DNM3: variants seen among roughly 807,000 people sequenced by gnomAD.
DNM3 encodes the protein dynamin 3.
DNM3 carries 47 observed loss-of-function variants against 101.6 expected under a neutral mutation model. The observed-to-expected ratio is 0.46, with a 90% confidence interval of 0.37 to 0.59. The LOEUF (loss-of-function observed/expected upper bound fraction) is 0.59. DNM3 is among the 20% of genes least tolerant of loss of function. The probability of loss-of-function intolerance (pLI) is 0.00; values close to 1 mark genes in which losing one functional copy is unlikely to be tolerated. For synonymous variants in DNM3, 385 were observed against 387.9 expected, an observed-to-expected ratio of 0.99 and a Z score of 0.09; for missense variants, 849 against 1,085.7, an observed-to-expected ratio of 0.78 and a Z score of 3.06.
intron 2 of DNM3, among the ~76,000 whole-genome samples, chr1:171,940,423 T>G (rs992536203): frequency 6.6e-6 from 1 of 152,166 alleles, no homozygotes; most frequent in Non-Finnish European, 1.5e-5. Flanking sequence ...CATGTTTCAG[T>G]TGTTTTCCTG....
At chr1:172,377,851 A>G (rs1043995519) in intron 17 of DNM3, among the ~76,000 whole-genome samples, 1 of 151,978 alleles carries the variant, frequency 6.6e-6, no homozygotes, top group African/African-American at 2.4e-5. Flanking sequence ...ATAAATGATT[A>G]GAACCAATTC....
intron 16 of DNM3, among the ~76,000 whole-genome samples, chr1:172,322,946 G>A (rs147969600): frequency 2.6e-5 from 4 of 152,138 alleles, no homozygotes; most frequent in Non-Finnish European, 5.9e-5. Context: ...GGGCAAGCCG[G>A]CACACAAAAT....
chr1:172,299,699 G>A (rs1362168703), intron 15 of DNM3, among the ~76,000 whole-genome samples: 1 of 152,096 alleles, frequency 6.6e-6, no homozygotes, highest in African/African-American at 2.4e-5. Flanking sequence ...CCATGTTGTT[G>A]CAAAGGACAT....
At chr1:172,035,230 G>A (rs1489591236) in intron 6 of DNM3, among the ~76,000 whole-genome samples, 2 of 152,116 alleles carry the variant, frequency 1.3e-5, no homozygotes, top group Admixed American at 6.6e-5. Context: ...CTGAAGGGAA[G>A]ATCAAATACT....
intron 15 of DNM3, among the ~76,000 whole-genome samples, chr1:172,260,105 T>C (rs1339338041): frequency 6.6e-6 from 1 of 152,158 alleles, no homozygotes; most frequent in African/African-American, 2.4e-5. Context: ...CATAATATTT[T>C]TGGCTAGCAC....
At chr1:172,391,101 C>T (rs533539734) in intron 20 of DNM3, among the ~76,000 whole-genome samples, 9 of 152,178 alleles carry the variant, frequency 5.9e-5, no homozygotes, top group Non-Finnish European at 1.3e-4. Context: ...ACATGGGCAG[C>T]AGGGCTTAAT....
intron 1 of DNM3, among the ~76,000 whole-genome samples, chr1:171,907,216 G>T (rs1169194817): frequency 6.6e-6 from 1 of 152,198 alleles, no homozygotes; most frequent in Admixed American, 6.5e-5. Flanking sequence ...GTCAGGCCGG[G>T]CGCAGTGGCT....
At chr1:172,106,141 A>G (rs532049612) in intron 13 of DNM3, among the ~76,000 whole-genome samples, 10 of 152,260 alleles carry the variant, frequency 6.6e-5, no homozygotes, top group Admixed American at 1.3e-4. Flanking sequence ...ATTTAGTATG[A>G]TAAAGAAATA....
At position 172,418,330 on chromosome 1, in the gene DNM3, A is replaced by G. The variant is rs746444581; in HGVS notation, c.*13A>G. On this transcript the variant is annotated 3_prime_UTR_variant, in exon 21 of 21. Coordinates refer to the DNM3 transcript ENST00000485254. ...ACGACCATCCTAACCCCCATCATTC[A>G]TCTCCTTTTGTTTCCAACAACATGT... The G allele has an allele frequency of 3.4e-5, 44 of 1,288,450 alleles. No homozygotes were observed. In the South Asian group the frequency reaches 4.3e-4, roughly 13 times the overall value. The allele number at this position is 1,288,450 out of a possible 1,614,324, so 79.8% of individuals were successfully genotyped here.
chr1:172,416,477 T>C (rs139056834), downstream of DNM3, among the ~76,000 whole-genome samples: 1 of 152,048 alleles, frequency 6.6e-6, no homozygotes, highest in African/African-American at 2.4e-5. Context: ...TCTGAGGATA[T>C]AAATGTCACC....
chr1:172,074,585 T>C (rs993474353), intron 11 of DNM3, among the ~76,000 whole-genome samples: 6 of 152,116 alleles, frequency 3.9e-5, no homozygotes, highest in African/African-American at 1.4e-4. Context: ...TCTGTCCTTG[T>C]GATATTTTGC....
chr1:172,269,107 C>T (rs1200074765), intron 15 of DNM3, among the ~76,000 whole-genome samples: 8 of 152,160 alleles, frequency 5.3e-5, no homozygotes, highest in Non-Finnish European at 1.0e-4. Context: ...TAACCGAAGC[C>T]ATTAGTAGTG....
Position 172,150,495 on chromosome 1 carries a change from G to A in DNM3, c.1659+19207G>A, listed in dbSNP as rs182310422. ...TACTGTTTTCTGAATTTAGAGGTTT[G>A]TTTTGTTTAGTTAGTTAGTATTTTG... On this transcript the variant is annotated intron_variant, in intron 14 of 20. Coordinates refer to ENST00000627582, the MANE Select transcript of DNM3 (RefSeq NM_015569.5). 1.1e-3 allele frequency among the ~76,000 whole-genome samples: 175 copies of A among 152,260 alleles called. 2 individuals are homozygous for A. In the East Asian group the frequency reaches 0.03, roughly 26 times the overall value.
At chr1:172,072,309 A>G (rs142970825) in intron 11 of DNM3, among the ~76,000 whole-genome samples, 13 of 152,276 alleles carry the variant, frequency 8.5e-5, no homozygotes, top group African/African-American at 3.1e-4. Flanking sequence ...CAAAACTCTG[A>G]CTGTATGAAT....
chr1:172,204,873 G>A (rs937180131), intron 14 of DNM3, among the ~76,000 whole-genome samples: 1 of 152,048 alleles, frequency 6.6e-6, no homozygotes, highest in African/African-American at 2.4e-5. Context: ...ACTTCCCTGG[G>A]CAAAACATCT....
At chr1:172,085,373 T>G (rs1449373149) in intron 12 of DNM3, among the ~76,000 whole-genome samples, 1 of 152,106 alleles carries the variant, frequency 6.6e-6, no homozygotes, top group African/African-American at 2.4e-5. Flanking sequence ...TAATCCTCTT[T>G]TGAACAAAAA....
intron 10 of DNM3, 103 bp from the exon 11 acceptor site, chr1:172,068,710 TCCAGAA>T: frequency 1.0e-6 from 1 of 970,806 alleles, no homozygotes; most frequent in Non-Finnish European, 1.6e-6. Flanking sequence ...CATTTTTGCT[TCCAGAA>T]TGGCAATGAA....
intron 2 of DNM3, among the ~76,000 whole-genome samples, chr1:171,922,859 G>A (rs1302972658): frequency 6.6e-6 from 1 of 152,190 alleles, no homozygotes; most frequent in Non-Finnish European, 1.5e-5. Context: ...GTTCATCCAT[G>A]TCGTAGCATG....
intron 16 of DNM3, among the ~76,000 whole-genome samples, chr1:172,317,036 G>A (rs1476935727): frequency 3.3e-5 from 5 of 152,072 alleles, no homozygotes; most frequent in South Asian, 4.2e-4. Context: ...ATAACAAACT[G>A]TCTCTCAGAC....
Sources: allele counts gnomAD v4.1 joint callset (sites outside exome capture counted in the v4.1 genomes callset), GRCh38; gene constraint gnomAD v4.1.1; transcripts MANE v1.5; gene names NCBI Gene and HGNC (gene_info 2026-07-23, HGNC 2026-07-21).